Variants in GIP observed in about 807,000 individuals in gnomAD.
The protein encoded by GIP is glucose-dependent insulinotropic polypeptide.
Under a neutral mutation model 18.1 loss-of-function variants are expected in GIP, and 16 were observed. The ratio of observed to expected loss-of-function variants is 0.88; its 90% confidence interval spans 0.60 to 1.34. GIP has a LOEUF of 1.34. GIP is among the 40% of genes most tolerant of loss of function. The pLI, the probability that GIP is intolerant of heterozygous loss-of-function variation, is 0.00. For synonymous variants in GIP, 76 were observed against 74.0 expected (o/e 1.03, Z -0.14); for missense variants, 192 against 183.4 (o/e 1.05, Z -0.27).
chr17:48,961,478 A>C (rs1425159311), intron 4 of GIP, among the ~76,000 whole-genome samples: 2 of 152,100 alleles, frequency 1.3e-5, no homozygotes, highest in Non-Finnish European at 2.9e-5. Context: ...CTGTGCATGC[A>C]GTCATCAATA....
At chr17:48,964,021 A>G (rs1239463381) in intron 3 of GIP, among the ~76,000 whole-genome samples, 7 of 147,736 alleles carry the variant, frequency 4.7e-5, no homozygotes, top group Non-Finnish European at 1.0e-4. Flanking sequence ...TTAGCCGGGC[A>G]TGGTGGCAGT....
At position 48,958,723 on chromosome 17, in the gene GIP, A is replaced by C. The variant is rs1413424243; in HGVS notation, c.453-7T>G. 30 of 1,578,474 alleles carry C rather than the reference A, an allele frequency of 1.9e-5. No homozygotes were observed. In the East Asian group the frequency reaches 7.0e-4, roughly 37 times the overall value. ...TGGTCAGAGTCACCGAGACCTGGGG[A>C]GAGTGGGGAAAGGAGAAGAAGGTTG... On this transcript the variant is annotated splice_region_variant and splice_polypyrimidine_tract_variant and intron_variant, in intron 5 of 5. Transcript: ENST00000357424.
At chr17:48,958,758 T>C (rs752904931) in intron 5 of GIP, 42 bp from the exon 6 acceptor site, 20 of 1,552,206 alleles carry the variant, frequency 1.3e-5, no homozygotes, top group Non-Finnish European at 1.6e-5. Flanking sequence ...GTTATGGACT[T>C]GGAGTCGGCC....
chr17:48,967,921 G>A (rs1245562298), intron 1 of GIP, among the ~76,000 whole-genome samples: 2 of 151,740 alleles, frequency 1.3e-5, no homozygotes, highest in Non-Finnish European at 2.9e-5. Flanking sequence ...GTGTGGTGGT[G>A]CGCGCCTGTG....
chr17:48,960,745 TC>T (rs1297362136), intron 5 of GIP, 140 bp downstream of exon 5: 6 of 662,992 alleles, frequency 9.0e-6, no homozygotes, highest in African/African-American at 1.8e-5. Flanking sequence ...GTGAAATGAT[TC>T]TATACCTCTG....
Position 48,958,589 on chromosome 17 carries a change from A to G in GIP, c.*118T>C. 3.7e-6 allele frequency: 3 copies of G among 801,342 alleles called. No individual in the cohort carries two copies. Among genetic ancestry groups the G allele is most frequent in the Non-Finnish European group, 4.2e-6 (2 of 476,708 alleles). The allele number at this position is 801,342 out of a possible 1,614,324, so 49.6% of individuals were successfully genotyped here. On this transcript the variant is annotated 3_prime_UTR_variant, in exon 6 of 6. Transcript: ENST00000357424. ...GTAGTCATTTTAATAAATTTTCACA[A>G]TGGGCTCGACTTAGCATAAACTTTA...
intron 4 of GIP, among the ~76,000 whole-genome samples, 198 bp downstream of exon 4, chr17:48,961,529 C>T (rs775487277): frequency 6.6e-6 from 1 of 152,172 alleles, no homozygotes; most frequent in African/African-American, 2.4e-5. Context: ...GCACCCCTCC[C>T]GTTTCTCCAA....
rs1449413782 is a variant in GIP, at chr17:48,963,925, C to CA, written c.257+384dup. ...AATCCCAGCACTTGGGAGGCCGAGG[C>CA]AGGTGGATCACGAGGTCAGATCGAG... is the stretch of plus-strand genomic sequence containing the variant. On this transcript the variant is annotated intron_variant, in intron 3 of 5. Coordinates refer to ENST00000357424, the MANE Select transcript of GIP (RefSeq NM_004123.3). Among the ~76,000 whole-genome samples, 15 of 143,428 alleles carry CA rather than the reference C, an allele frequency of 1.0e-4. No individual in the cohort carries two copies. In the East Asian group the frequency reaches 3.1e-3, roughly 30 times the overall value. 94.1% of individuals were successfully genotyped at this position (143,428 alleles called of 152,430 possible).
chr17:48,965,835 C>T (rs1350606053), intron 2 of GIP, among the ~76,000 whole-genome samples: 1 of 151,942 alleles, frequency 6.6e-6, no homozygotes, highest in African/African-American at 2.4e-5. Flanking sequence ...TATTTATATC[C>T]CCATTTTGTG....
Position 48,964,342 on chromosome 17 carries a change from G to A in GIP, c.225C>T (p.Asn75=), listed in dbSNP as rs2041221314. The change falls in exon 3 of 6, where the codon AAC becomes AAT. Residue 75 remains asparagine (N), a synonymous_variant. Coordinates refer to ENST00000357424, the MANE Select transcript of GIP (RefSeq NM_004123.3). ...MDKIHQQDFV[N]WLLAQKGKKN... Reference sequence around the variant, plus strand: ...TCTTCCCCTTTTGGGCCAGCAGCCAGTTCACAAAGTCTTGTTGGTGAATCT... The same window carrying A: ...TCTTCCCCTTTTGGGCCAGCAGCCAATTCACAAAGTCTTGTTGGTGAATCT... The A allele has an allele frequency of 1.2e-6, 2 of 1,613,718 alleles. No homozygotes were observed. The highest frequency in any genetic ancestry group is 2.7e-5 in the African/African-American group (2 of 74,898).
chr17:48,963,862 A>AAAAAG (rs1168878456), intron 3 of GIP, among the ~76,000 whole-genome samples: 12 of 136,788 alleles, frequency 8.8e-5, no homozygotes, highest in Non-Finnish European at 1.4e-4. Context: ...AAAAAAAAAA[A>AAAAAG]AGAGAGAGAG....
At position 48,966,784 on chromosome 17, in the gene GIP, C is replaced by T. The variant is rs148381435; in HGVS notation, c.86+363G>A. The stretch of plus-strand genomic sequence containing the variant: ...TCACGCCACTGCACTCCAGCCTGGG[C>T]GACAGGGCAAGATCCTGTCTCAAAA... On this transcript the variant is annotated intron_variant, in intron 2 of 5. Coordinates refer to ENST00000357424, the MANE Select transcript of GIP (RefSeq NM_004123.3). Among the ~76,000 whole-genome samples the T allele has an allele frequency of 8.2e-4, 123 of 150,556 alleles. 3 individuals carry two copies. The East Asian group carries it at 0.022, about 27-fold the overall frequency.
At chr17:48,965,937 A>G (rs1486731039) in intron 2 of GIP, among the ~76,000 whole-genome samples, 2 of 152,112 alleles carry the variant, frequency 1.3e-5, no homozygotes, top group African/African-American at 4.8e-5. Flanking sequence ...ACCCCAGGCC[A>G]TCTGGGCTCA....
At chr17:48,967,296 T>TA in intron 1 of GIP, 43 bp from the exon 2 acceptor site, 1 of 1,319,028 alleles carries the variant, frequency 7.6e-7, no homozygotes, top group East Asian at 2.3e-5. Context: ...GAGCAACCAG[T>TA]AGGGGTTCTG....
chr17:48,968,495 T>C (rs2041247104), intron 1 of GIP, 22 bp downstream of exon 1: 1 of 152,206 alleles, frequency 6.6e-6, no homozygotes, highest in Non-Finnish European at 1.5e-5. Context: ...ATCTCATCCA[T>C]CCCTGTCTCC....
At position 48,961,732 on chromosome 17, in the gene GIP, T is replaced by C. The variant is rs1487874882; in HGVS notation, c.345A>G (p.Pro115=). ...CCCTCTGCGCCCTGACTCACCTCTG[T>C]GGCTCCACTGCCTCCTCCTCCTTCC... ...ANRKEEEAVE[P]QSSPAKNPSD... The change falls in exon 4 of 6, where the codon CCA becomes CCG. Residue 115 remains proline (P), a synonymous_variant. Coordinates refer to ENST00000357424, the MANE Select transcript of GIP (RefSeq NM_004123.3). The C allele has an allele frequency of 6.2e-7, 1 of 1,607,162 alleles. No homozygotes were observed. The highest frequency in any genetic ancestry group is 8.5e-7 in the Non-Finnish European group (1 of 1,175,396).
chr17:48,967,435 C>T (rs562689767), intron 1 of GIP, among the ~76,000 whole-genome samples, 182 bp from the exon 2 acceptor site: 25 of 150,160 alleles, frequency 1.7e-4, no homozygotes, highest in Non-Finnish European at 2.8e-4. Context: ...TCTTGGCTCA[C>T]TGCAACCTCC....
At chr17:48,967,680 CTGGGGCAACACCA>C (rs1282622949) in intron 1 of GIP, among the ~76,000 whole-genome samples, 2 of 151,702 alleles carry the variant, frequency 1.3e-5, no homozygotes, top group Non-Finnish European at 2.9e-5. Flanking sequence ...TTCTAAGAGC[CTGGGGCAACACCA>C]TGGGGGAAGA....
chr17:48,964,235 A>T, intron 3 of GIP, 75 bp downstream of exon 3: 1 of 1,129,916 alleles, frequency 8.9e-7, no homozygotes, highest in Admixed American at 1.9e-5. Flanking sequence ...GTGTGGCCAC[A>T]GCCGGTGGCC....
Sources: allele counts gnomAD v4.1 joint callset (sites outside exome capture counted in the v4.1 genomes callset), GRCh38; gene constraint gnomAD v4.1.1; transcripts MANE v1.5; gene names NCBI Gene and HGNC (gene_info 2026-07-23, HGNC 2026-07-21).